The following SGCD variants were observed in gnomAD, a reference collection of about 807,000 sequenced individuals.
The protein encoded by SGCD is sarcoglycan delta.
Under a neutral mutation model 36.6 loss-of-function variants are expected in SGCD, and 18 were observed. The ratio of observed to expected loss-of-function variants is 0.49; its 90% CI spans 0.34 to 0.73. The LOEUF (loss-of-function observed/expected upper bound fraction) is 0.73. SGCD is among the 30% of genes least tolerant of loss of function. The probability of loss-of-function intolerance (pLI) is 0.01; values close to 1 mark genes in which losing one functional copy is unlikely to be tolerated. For synonymous variants in SGCD, 133 were observed against 130.6 expected (o/e 1.02, Z -0.12); for missense variants, 387 against 346.7 (o/e 1.12, Z -0.92).
chr5:156,288,290 T>C (rs754639517), intron 3 of SGCD, among the ~76,000 whole-genome samples: 1 of 152,160 alleles, frequency 6.6e-6, no homozygotes, highest in Non-Finnish European at 1.5e-5. Flanking sequence ...GCACATAAAA[T>C]ATCTAACATA....
the SGCD span, among the ~76,000 whole-genome samples, chr5:155,830,530 A>G: frequency 6.6e-6 from 1 of 152,352 alleles, no homozygotes; most frequent in East Asian, 1.9e-4. Flanking sequence ...AAATTGAACC[A>G]GCGTATTCAG....
At chr5:156,379,378 G>C (rs190860823) in intron 3 of SGCD, among the ~76,000 whole-genome samples, 1 of 152,262 alleles carries the variant, frequency 6.6e-6, no homozygotes, top group African/African-American at 2.4e-5. Flanking sequence ...GCACATGTCT[G>C]GGCAGAGAGG....
intron 3 of SGCD, among the ~76,000 whole-genome samples, chr5:156,471,233 T>C (rs1263009113): frequency 6.6e-6 from 1 of 152,198 alleles, no homozygotes; most frequent in African/African-American, 2.4e-5. Context: ...ATACTTCTCA[T>C]CACATTCATC....
chr5:156,089,892 C>T lies in SGCD; in HGVS notation c.-281-27986C>T, dbSNP rs534180043. ...TCGGATAAACCAGGGCCTCAGGGAGCGAAATTATTCCATAGGCATCAGTTT... is the reference window on the plus strand; with the variant it reads ...TCGGATAAACCAGGGCCTCAGGGAGTGAAATTATTCCATAGGCATCAGTTT... On this transcript the variant is annotated intron_variant, in intron 1 of 9. Transcript: ENST00000517913. Among the ~76,000 whole-genome samples, 9 of 152,080 alleles carry T rather than the reference C, an allele frequency of 5.9e-5. No individual in the cohort carries two copies. The South Asian group carries it at 1.2e-3, about 21-fold the overall frequency.
chr5:156,583,679 G>C (rs962948209), intron 4 of SGCD, among the ~76,000 whole-genome samples: 2 of 152,178 alleles, frequency 1.3e-5, no homozygotes, highest in African/African-American at 4.8e-5. Context: ...AAAATGGGTA[G>C]ATAGACTTAC....
chr5:156,456,598 A>G (rs1389997393), intron 3 of SGCD, among the ~76,000 whole-genome samples: 1 of 152,180 alleles, frequency 6.6e-6, no homozygotes, highest in Non-Finnish European at 1.5e-5. Flanking sequence ...AGTGCAAAAG[A>G]ACAGAGATAA....
rs965724603 is a variant in SGCD at position 155,937,551 on chromosome 5, A to G, written c.-282+67127A>G. Among the ~76,000 whole-genome samples the G allele has an allele frequency of 3.9e-5, 6 of 152,356 alleles. No homozygotes were observed. The East Asian group carries it at 1.2e-3, about 29-fold the overall frequency. The stretch of plus-strand genomic sequence containing the variant: ...GGCCAGAAAGGAATGAGTGTTTTGC[A>G]GAAAGATCTTCGGGGAGTCCAGAGT... On this transcript the variant is annotated intron_variant, in intron 1 of 9. Transcript: ENST00000517913.
chr5:155,729,425 G>A, the SGCD span, among the ~76,000 whole-genome samples: 2 of 152,260 alleles, frequency 1.3e-5, no homozygotes, highest in African/African-American at 4.8e-5. Context: ...GTGTGTGTGA[G>A]AGAGAAAGAG....
chr5:156,724,540 G>A (rs911480112), intron 7 of SGCD, among the ~76,000 whole-genome samples: 1 of 152,064 alleles, frequency 6.6e-6, no homozygotes, highest in African/African-American at 2.4e-5. Context: ...CCAGGAGGTG[G>A]AGCTTGCAGT....
intron 2 of SGCD, among the ~76,000 whole-genome samples, chr5:156,119,148 A>G (rs563011028): frequency 6.6e-6 from 1 of 152,262 alleles, no homozygotes; most frequent in South Asian, 2.1e-4. Flanking sequence ...TGCCTTTACT[A>G]TTCTCAGCAG....
intron 3 of SGCD, among the ~76,000 whole-genome samples, chr5:156,257,301 C>T (rs984491679): frequency 3.9e-5 from 6 of 151,934 alleles, no homozygotes; most frequent in Non-Finnish European, 5.9e-5. Flanking sequence ...GGTGAAACCC[C>T]GTCTCTACTA....
intron 3 of SGCD, among the ~76,000 whole-genome samples, chr5:156,503,147 A>G (rs1756528189): frequency 6.6e-6 from 1 of 152,292 alleles, no homozygotes; most frequent in East Asian, 1.9e-4. Context: ...TTAGATTTAT[A>G]TTTCTTGAAC....
intron 5 of SGCD, among the ~76,000 whole-genome samples, chr5:156,593,733 A>G (rs546274373): frequency 9.2e-5 from 14 of 152,244 alleles, no homozygotes; most frequent in African/African-American, 3.4e-4. Flanking sequence ...CCTCACTGCA[A>G]TGAGTAATAA....
intron 3 of SGCD, among the ~76,000 whole-genome samples, chr5:156,160,692 T>C (rs1364890303): frequency 1.3e-5 from 2 of 151,236 alleles, no homozygotes; most frequent in Non-Finnish European, 2.9e-5. Context: ...TTGCTAACAT[T>C]GTGCTTGATT....
At chr5:156,427,834 C>G (rs1337610715) in intron 3 of SGCD, among the ~76,000 whole-genome samples, 2 of 152,034 alleles carry the variant, frequency 1.3e-5, no homozygotes, top group Non-Finnish European at 2.9e-5. Flanking sequence ...TGTGATGTAT[C>G]ACATTTATTG....
At chr5:156,315,942 C>A (rs530676390) in intron 3 of SGCD, among the ~76,000 whole-genome samples, 1 of 151,796 alleles carries the variant, frequency 6.6e-6, no homozygotes, top group African/African-American at 2.4e-5. Context: ...TGGATATTAA[C>A]CCCTTATCAA....
At chr5:156,557,130 C>T (rs942452062) in intron 4 of SGCD, among the ~76,000 whole-genome samples, 2 of 152,140 alleles carry the variant, frequency 1.3e-5, no homozygotes, top group African/African-American at 2.4e-5. Context: ...AATTTTCCAT[C>T]TGCAGAATAT....
chr5:156,379,409 C>A (rs182667129), intron 3 of SGCD, among the ~76,000 whole-genome samples: 305 of 152,214 alleles, frequency 2.0e-3, no homozygotes, highest in Middle Eastern at 0.014. Flanking sequence ...GCAGCATGTG[C>A]AAATTCCTGA....
chr5:156,322,620 T>A (rs1767702010), upstream of SGCD, among the ~76,000 whole-genome samples: 1 of 152,206 alleles, frequency 6.6e-6, no homozygotes, highest in South Asian at 2.1e-4. Context: ...TAATGGAGGT[T>A]ACATTTAAAG....
Sources: allele counts gnomAD v4.1 joint callset (sites outside exome capture counted in the v4.1 genomes callset), GRCh38; gene constraint gnomAD v4.1.1; transcripts MANE v1.5; gene names NCBI Gene and HGNC (gene_info 2026-07-23, HGNC 2026-07-21).